TRIQK: variants seen among roughly 807,000 people sequenced by gnomAD.
The protein encoded by TRIQK is triple QxxK/R motif-containing protein.
Under a neutral mutation model 10.8 loss-of-function variants are expected in TRIQK, and 10 were observed. The ratio of observed to expected loss-of-function variants is 0.92; its 90% CI spans 0.57 to 1.57. TRIQK has a LOEUF of 1.57. Ranked by LOEUF, TRIQK falls within the 40% of genes most tolerant of loss-of-function variation. TRIQK has a pLI of 0.00. For missense variants in TRIQK, 107 were observed against 97.7 expected (o/e 1.09, Z -0.40); for synonymous variants, 33 against 33.7 (o/e 0.98, Z 0.07).
At chr8:92,972,646 C>T (rs913828937) in intron 1 of TRIQK, 1 of 152,278 alleles carries the variant, frequency 6.6e-6, no homozygotes, top group Non-Finnish European at 1.5e-5. Context: ...TCTTTCACAC[C>T]CGGGCCAAGA....
chr8:92,956,409 C>T (rs1442334430), intron 1 of TRIQK, among the ~76,000 whole-genome samples: 3 of 151,566 alleles, frequency 2.0e-5, no homozygotes, highest in African/African-American at 7.3e-5. Context: ...TGGGAACTGA[C>T]ATAATGGGTA....
intron 2 of TRIQK, among the ~76,000 whole-genome samples, chr8:92,932,175 C>T (rs923635526): frequency 6.6e-6 from 1 of 152,042 alleles, no homozygotes; most frequent in East Asian, 1.9e-4. Flanking sequence ...GAAACTATGG[C>T]GTTTGTGTTC....
intron 1 of TRIQK, among the ~76,000 whole-genome samples, chr8:92,998,947 A>G (rs1035071084): frequency 2.6e-5 from 4 of 152,164 alleles, no homozygotes; most frequent in African/African-American, 9.6e-5. Flanking sequence ...TCAGGTAGGA[A>G]AGGAAATATT....
At chr8:92,902,974 A>C (rs538778356) in intron 3 of TRIQK, among the ~76,000 whole-genome samples, 12 of 151,816 alleles carry the variant, frequency 7.9e-5, no homozygotes, top group East Asian at 1.9e-4. Context: ...TCCAGACTAA[A>C]TCAAATCAAT....
chr8:92,944,564 T>C (rs115958315), intron 2 of TRIQK, among the ~76,000 whole-genome samples: 199 of 152,256 alleles, frequency 1.3e-3, no homozygotes, highest in African/African-American at 4.5e-3. Flanking sequence ...CATGGCAACA[T>C]AGATAAATCT....
At position 93,011,087 on chromosome 8, in the gene TRIQK, T is replaced by G. The variant is rs547301095; in HGVS notation, c.-181+6522A>C. Among the ~76,000 whole-genome samples the G allele has an allele frequency of 6.6e-5, 10 of 152,148 alleles. No homozygotes were observed. In the South Asian group the frequency reaches 2.1e-3, roughly 32 times the overall value. ...ATGGATTTTTCAGGTTAATGGTCAT[T>G]CTGTGCTAATGGACCGTATAGGATT... On this transcript the variant is annotated intron_variant, in intron 1 of 4. Transcript: ENST00000520686.
intron 3 of TRIQK, among the ~76,000 whole-genome samples, chr8:92,897,424 G>A (rs913314015): frequency 3.9e-5 from 6 of 152,158 alleles, no homozygotes; most frequent in African/African-American, 1.2e-4. Context: ...CAACAACATT[G>A]AGAGGTGGGA....
intron 1 of TRIQK, among the ~76,000 whole-genome samples, chr8:92,993,645 T>A (rs1813120884): frequency 2.0e-5 from 3 of 152,174 alleles, no homozygotes; most frequent in South Asian, 4.1e-4. Context: ...CATGGAGATA[T>A]CTGCACCGGT....
intron 3 of TRIQK, among the ~76,000 whole-genome samples, chr8:92,907,911 T>A (rs1259139490): frequency 6.6e-6 from 1 of 152,120 alleles, no homozygotes; most frequent in East Asian, 1.9e-4. Context: ...ACTATTTAAA[T>A]ACCTTATTGT....
At chr8:92,916,339 G>A (rs2130454358) in intron 3 of TRIQK, among the ~76,000 whole-genome samples, 1 of 152,208 alleles carries the variant, frequency 6.6e-6, no homozygotes, top group Middle Eastern at 3.4e-3. Context: ...AGCTTTTCTA[G>A]TCCACCGTTC....
chr8:93,004,761 C>T (rs1396680755), intron 1 of TRIQK, among the ~76,000 whole-genome samples: 1 of 152,190 alleles, frequency 6.6e-6, no homozygotes, highest in Non-Finnish European at 1.5e-5. Context: ...CTCTCAAGTT[C>T]AAAGTTCCAC....
chr8:92,969,554 GT>G (rs907902863), upstream of TRIQK, among the ~76,000 whole-genome samples: 2,282 of 139,876 alleles, frequency 0.016, 34 homozygotes, highest in African/African-American at 0.045. Flanking sequence ...TCTTATGACA[GT>G]TTTTTTTTTT....
At chr8:93,006,896 C>G (rs1362307716) in intron 1 of TRIQK, among the ~76,000 whole-genome samples, 2 of 152,222 alleles carry the variant, frequency 1.3e-5, no homozygotes, top group African/African-American at 2.4e-5. Context: ...GCCACGGTCT[C>G]TGTGGATAAG....
intron 2 of TRIQK, among the ~76,000 whole-genome samples, chr8:92,934,874 G>A (rs1026266160): frequency 2.0e-5 from 3 of 151,766 alleles, no homozygotes; most frequent in African/African-American, 7.2e-5. Context: ...ATGGAAATAA[G>A]CACTAGGCTA....
At chr8:92,956,136 A>C (rs1812161260) in intron 1 of TRIQK, among the ~76,000 whole-genome samples, 1 of 151,832 alleles carries the variant, frequency 6.6e-6, no homozygotes, top group South Asian at 2.1e-4. Flanking sequence ...TCTAATAGCC[A>C]AAAAGTAGAA....
At chr8:92,982,455 T>C (rs1384583179) in intron 1 of TRIQK, among the ~76,000 whole-genome samples, 3 of 152,024 alleles carry the variant, frequency 2.0e-5, no homozygotes, top group Non-Finnish European at 4.4e-5. Context: ...AATGCATGTG[T>C]ACAAAACAAG....
intron 3 of TRIQK, among the ~76,000 whole-genome samples, chr8:92,905,480 G>A (rs983360301): frequency 6.6e-5 from 10 of 152,250 alleles, no homozygotes; most frequent in African/African-American, 2.4e-4. Context: ...GAAAGATGGA[G>A]GACATTGCAA....
At chr8:92,907,068 G>A (rs1283569058) in intron 3 of TRIQK, among the ~76,000 whole-genome samples, 1 of 152,162 alleles carries the variant, frequency 6.6e-6, no homozygotes, top group African/African-American at 2.4e-5. Context: ...GAGAGAAAGA[G>A]ATTGAGATTG....
At chr8:93,013,234 T>C (rs974578015) in intron 1 of TRIQK, among the ~76,000 whole-genome samples, 2 of 152,210 alleles carry the variant, frequency 1.3e-5, no homozygotes, top group African/African-American at 4.8e-5. Context: ...ATATGCTGAT[T>C]CGATAAGCTT....
Sources: gnomAD v4.1 joint callset for allele counts (sites outside exome capture counted in the v4.1 genomes callset) on GRCh38, gnomAD v4.1.1 for gene constraint, MANE v1.5 for transcripts, NCBI Gene and HGNC (gene_info 2026-07-23, HGNC 2026-07-21) for gene names.